Variants in RAB38 observed in about 807,000 individuals in gnomAD.
RAB38 encodes ras-related protein Rab-38.
Under a neutral mutation model 18.4 loss-of-function variants are expected in RAB38, and 15 were observed. The ratio of observed to expected loss-of-function variants is 0.82; its 90% CI spans 0.55 to 1.26. The LOEUF (loss-of-function observed/expected upper bound fraction) is 1.26, where lower values mean the gene tolerates loss of function less well. Among genes scored for constraint, RAB38 ranks in the 50% most tolerant of loss-of-function variants. RAB38 has a pLI of 0.00. For missense variants in RAB38, 294 were observed against 267.4 expected (o/e 1.10, Z -0.69); for synonymous variants, 101 against 104.4 (o/e 0.97, Z 0.20).
the RAB38 span, among the ~76,000 whole-genome samples, chr11:88,032,986 A>C: frequency 6.6e-6 from 1 of 152,256 alleles, no homozygotes. Context: ...CCAAATGTCC[A>C]ACAATGATAG....
chr11:87,951,068 G>A, the RAB38 span, among the ~76,000 whole-genome samples: 1 of 152,010 alleles, frequency 6.6e-6, no homozygotes, highest in Admixed American at 6.6e-5. Context: ...AGTATTTCTT[G>A]GAGGCTTTGT....
chr11:87,875,934 T>C, the RAB38 span, among the ~76,000 whole-genome samples: 2 of 151,584 alleles, frequency 1.3e-5, no homozygotes, highest in African/African-American at 4.8e-5. Context: ...TTTTACTTTT[T>C]CCTCCCCATT....
chr11:88,157,118 C>T (rs1463359878), intron 1 of RAB38, among the ~76,000 whole-genome samples: 3 of 152,120 alleles, frequency 2.0e-5, no homozygotes, highest in Non-Finnish European at 4.4e-5. Context: ...TGTAATGACA[C>T]CCATAGGCTC....
At chr11:88,138,939 C>T (rs575054761) in intron 2 of RAB38, among the ~76,000 whole-genome samples, 6 of 151,974 alleles carry the variant, frequency 3.9e-5, no homozygotes, top group South Asian at 4.2e-4. Flanking sequence ...CCCGCCACCA[C>T]GCCTGGCTAA....
chr11:87,852,867 C>T, the RAB38 span, among the ~76,000 whole-genome samples: 2 of 152,054 alleles, frequency 1.3e-5, no homozygotes, highest in Non-Finnish European at 2.9e-5. Context: ...GAATTGTTTC[C>T]TACATTATGA....
At chr11:88,126,568 G>T (rs1007197559) in intron 2 of RAB38, among the ~76,000 whole-genome samples, 6 of 152,122 alleles carry the variant, frequency 3.9e-5, no homozygotes, top group Non-Finnish European at 5.9e-5. Context: ...GAGGGAGGGG[G>T]AAGGGATAGC....
At chr11:88,030,478 C>A in the RAB38 span, among the ~76,000 whole-genome samples, 1 of 151,928 alleles carries the variant, frequency 6.6e-6, no homozygotes, top group Non-Finnish European at 1.5e-5. Flanking sequence ...TGATAGACTG[C>A]TAGCAAGACT....
the RAB38 span, among the ~76,000 whole-genome samples, chr11:88,081,957 G>C: frequency 2.6e-5 from 4 of 151,826 alleles, no homozygotes; most frequent in Admixed American, 2.6e-4. Flanking sequence ...TAACAAAAAG[G>C]ATATATCAGA....
At chr11:88,139,078 C>T (rs1942873528) in intron 2 of RAB38, among the ~76,000 whole-genome samples, 1 of 152,126 alleles carries the variant, frequency 6.6e-6, no homozygotes, top group Non-Finnish European at 1.5e-5. Flanking sequence ...GCCACCATGC[C>T]TGGCCTATTA....
intron 2 of RAB38, among the ~76,000 whole-genome samples, chr11:88,138,792 AT>A (rs1233447454): frequency 8.1e-5 from 9 of 110,456 alleles, no homozygotes; most frequent in African/African-American, 2.4e-4. Context: ...TTTTTTTATT[AT>A]TTTTTTTGAG....
chr11:87,878,222 T>TATATAC, the RAB38 span, among the ~76,000 whole-genome samples: 4,641 of 116,180 alleles, frequency 0.04, 459 homozygotes, highest in African/African-American at 0.095. Flanking sequence ...TATATATATA[T>TATATAC]ACACACATAT....
At chr11:88,101,975 A>T in the RAB38 span, among the ~76,000 whole-genome samples, 1 of 152,036 alleles carries the variant, frequency 6.6e-6, no homozygotes, top group African/African-American at 2.4e-5. Context: ...TACCTTGGAG[A>T]TCCTGGAGAA....
chr11:88,022,992 C>A, the RAB38 span, among the ~76,000 whole-genome samples: 1 of 151,892 alleles, frequency 6.6e-6, no homozygotes, highest in South Asian at 2.1e-4. Context: ...ACACACTGGG[C>A]CTTTTGGAGG....
chr11:87,976,683 A>G, the RAB38 span, among the ~76,000 whole-genome samples: 2 of 122,974 alleles, frequency 1.6e-5, no homozygotes, highest in African/African-American at 3.2e-5. Flanking sequence ...ATATATATTT[A>G]TATATTTACA....
chr11:87,927,698 T>C, the RAB38 span, among the ~76,000 whole-genome samples: 1 of 152,028 alleles, frequency 6.6e-6, no homozygotes, highest in Non-Finnish European at 1.5e-5. Context: ...TTTCTGCCTC[T>C]CACTTGTTGT....
the RAB38 span, among the ~76,000 whole-genome samples, chr11:88,007,706 A>C: frequency 6.6e-6 from 1 of 152,008 alleles, no homozygotes; most frequent in African/African-American, 2.4e-5. Context: ...GTTTGAATAT[A>C]CTCCTAACCC....
chr11:88,093,365 G>C, the RAB38 span, among the ~76,000 whole-genome samples: 3 of 151,798 alleles, frequency 2.0e-5, no homozygotes, highest in Non-Finnish European at 4.4e-5. Context: ...ACATTGGGAG[G>C]GTGGCAATTG....
At chr11:87,862,301 C>T in the RAB38 span, among the ~76,000 whole-genome samples, 5 of 151,872 alleles carry the variant, frequency 3.3e-5, no homozygotes, top group African/African-American at 9.7e-5. Flanking sequence ...AAATGTGGTA[C>T]GTATACACCA....
the RAB38 span, among the ~76,000 whole-genome samples, chr11:88,100,643 T>C: frequency 2.6e-5 from 4 of 151,984 alleles, no homozygotes; most frequent in African/African-American, 9.7e-5. Flanking sequence ...TAAACCTCAA[T>C]AGCATTTTGG....
Sources: allele counts gnomAD v4.1 joint callset (sites outside exome capture counted in the v4.1 genomes callset), GRCh38; gene constraint gnomAD v4.1.1; transcripts MANE v1.5; gene names NCBI Gene and HGNC (gene_info 2026-07-23, HGNC 2026-07-21).